The following CIZ1 variants were observed in gnomAD, a reference collection of about 807,000 sequenced individuals.
CIZ1 encodes cip1-interacting zinc finger protein.
Under a neutral mutation model 118.6 loss-of-function variants are expected in CIZ1, and 58 were observed. The observed-to-expected ratio is 0.49, with a 90% CI of 0.40 to 0.61. The LOEUF is 0.61. Among genes scored for constraint, CIZ1 ranks in the 20% least tolerant of loss-of-function variants. CIZ1 has a pLI of 0.00. For missense variants in CIZ1, 921 were observed against 1,115.9 expected (o/e 0.83, Z 2.49); for synonymous variants, 448 against 443.4 (o/e 1.01, Z -0.13).
At chr9:128,192,650 C>T (rs887915968), upstream of CIZ1, among the ~76,000 whole-genome samples, 1 of 152,214 alleles carries the variant, frequency 6.6e-6, no homozygotes, top group Non-Finnish European at 1.5e-5. Flanking sequence ...TCAAGTGGTC[C>T]TCCCGCCTCA....
intron 3 of CIZ1, among the ~76,000 whole-genome samples, chr9:128,189,909 T>C (rs1413827967): frequency 6.8e-6 from 1 of 147,674 alleles, no homozygotes; most frequent in Non-Finnish European, 1.5e-5. Flanking sequence ...ATTGGGAAAT[T>C]GAGACAAGGC....
chr9:128,194,362 C>CAAAAAAA (rs757286334), upstream of CIZ1, among the ~76,000 whole-genome samples: 2 of 74,134 alleles, frequency 2.7e-5, no homozygotes, highest in Admixed American at 1.7e-4. Flanking sequence ...AACTCCATCT[C>CAAAAAAA]AAAAAAAAAA....
At chr9:128,184,149 T>C (rs1448733578) in intron 5 of CIZ1, among the ~76,000 whole-genome samples, 1 of 152,178 alleles carries the variant, frequency 6.6e-6, no homozygotes, top group Non-Finnish European at 1.5e-5. Context: ...CCTTTCCAAA[T>C]AAATGTAACA....
Position 128,191,374 on chromosome 9 carries a change from G to A in CIZ1, c.-6+58C>T. 4 of 624,076 alleles carry A rather than the reference G, an allele frequency of 6.4e-6. No individual in the cohort carries two copies. Among genetic ancestry groups the A allele is most frequent in the Non-Finnish European group, 8.0e-6 (4 of 497,130 alleles). 38.7% of individuals were successfully genotyped at this position (624,076 alleles called of 1,614,324 possible). ...TCCCACCCCGCCAGCCGCCTCCTCCGCAGACACAGCCAGCTCGCAGGCGGA... is the reference window on the plus strand; with the variant it reads ...TCCCACCCCGCCAGCCGCCTCCTCCACAGACACAGCCAGCTCGCAGGCGGA... On this transcript the variant is annotated intron_variant, in intron 1 of 16. Transcript: ENST00000372938. This position sits in a 1 kb window ranked among gnomAD's most constrained non-coding sequence, Gnocchi z 5.5.
Position 128,185,642 on chromosome 9 carries a change from C to G in CIZ1, c.493G>C (p.Val165Leu). The change falls in exon 5 of 17, where the codon GTT becomes CTT. Residue 165 changes from valine to leucine, a missense_variant. Transcript: ENST00000372938. The stretch of plus-strand genomic sequence containing the variant: ...TGGGAAGGGTTCATGGGGACCCCAA[C>G]AGGAGGAGGTCCCAGCAAGGACTGG... ...TRQSLLGPPP[V>L]GVPMNPSQFN... The G allele has an allele frequency of 6.3e-7, 1 of 1,579,738 alleles. No individual in the cohort carries two copies. Among genetic ancestry groups the G allele is most frequent in the Non-Finnish European group, 8.6e-7 (1 of 1,162,356 alleles).
At chr9:128,172,871 G>C (rs1449473270) in intron 11 of CIZ1, among the ~76,000 whole-genome samples, 1 of 152,072 alleles carries the variant, frequency 6.6e-6, no homozygotes, top group Non-Finnish European at 1.5e-5. Flanking sequence ...TTTTTTTGTA[G>C]TCAAAAAAGG....
Position 128,191,553 on chromosome 9 carries a change from G to A in CIZ1, c.-127C>T, listed in dbSNP as rs1207419906. The A allele has an allele frequency of 2.8e-6, 3 of 1,067,456 alleles. No homozygotes were observed. Among genetic ancestry groups the A allele is most frequent in the Non-Finnish European group, 3.4e-6 (3 of 883,176 alleles). 66.1% of individuals were successfully genotyped at this position (1,067,456 alleles called of 1,614,324 possible). The stretch of plus-strand genomic sequence containing the variant: ...CTCCCGGCCTCCCCGCTGCTACTCC[G>A]GGGCCTGTGGGCTCGTAAGGCCCAA... On this transcript the variant is annotated 5_prime_UTR_variant, in exon 1 of 17. Coordinates refer to ENST00000372938, the MANE Select transcript of CIZ1 (RefSeq NM_001131016.2). This position sits in a 1 kb window ranked among gnomAD's most constrained non-coding sequence, Gnocchi z 5.5.
rs555555042 is a variant in CIZ1 at position 128,178,415 on chromosome 9, C to G, written c.1574G>C (p.Gly525Ala). 41 of 1,614,134 alleles carry G rather than the reference C, an allele frequency of 2.5e-5. No homozygotes were observed. The highest frequency in any genetic ancestry group is 2.9e-5 in the Non-Finnish European group (34 of 1,180,004). Residue 525 changes from glycine (G) to alanine (A), a missense_variant, in exon 9 of 17, where the codon GGC becomes GCC. By Grantham distance (60) the Gly-to-Ala change is moderately conservative. Coordinates refer to ENST00000372938, the MANE Select transcript of CIZ1 (RefSeq NM_001131016.2). ...MEEIQNESAC[G>A]LDVGECENRA... is the part of the protein sequence containing the mutation. Reference sequence around the variant, plus strand: ...GTTTTCACATTCTCCCACATCTAGGCCACAGGCCGACTCATTCTGAATCTC... The same window carrying G: ...GTTTTCACATTCTCCCACATCTAGGGCACAGGCCGACTCATTCTGAATCTC...
At chr9:128,201,249 C>A (rs1024311263) in intron 1 of CIZ1, among the ~76,000 whole-genome samples, 1 of 148,168 alleles carries the variant, frequency 6.7e-6, no homozygotes, top group Admixed American at 6.8e-5. Flanking sequence ...GCCTGGGTAA[C>A]AGAGCGAGAT....
Position 128,176,479 on chromosome 9 carries a change from C to T in CIZ1, c.1819-4G>A. The T allele has an allele frequency of 6.2e-7, 1 of 1,612,314 alleles. No homozygotes were observed. Reference sequence around the variant, plus strand: ...CCGACATGTGGTCCTGGAACTCCTGCAGCAGGAGGGAAAGAGGGATGGGCC... The same window carrying T: ...CCGACATGTGGTCCTGGAACTCCTGTAGCAGGAGGGAAAGAGGGATGGGCC... On this transcript the variant is annotated splice_region_variant and splice_polypyrimidine_tract_variant and intron_variant, in intron 10 of 16. Transcript: ENST00000372938.
chr9:128,180,327 G>T, intron 7 of CIZ1, 88 bp downstream of exon 7: 1 of 941,920 alleles, frequency 1.1e-6, no homozygotes, highest in Non-Finnish European at 1.7e-6. Flanking sequence ...ACTGAATGGT[G>T]CACCCCCTCT....
At chr9:128,194,508 T>A (rs1219074792), upstream of CIZ1, among the ~76,000 whole-genome samples, 3 of 152,032 alleles carry the variant, frequency 2.0e-5, no homozygotes, top group African/African-American at 7.2e-5. Flanking sequence ...TATATATTTT[T>A]TCTTTTTTCT....
chr9:128,166,188 G>A lies in CIZ1; in HGVS notation c.*9C>T. On this transcript the variant is annotated 3_prime_UTR_variant, in exon 17 of 17. Coordinates refer to ENST00000372938, the MANE Select transcript of CIZ1 (RefSeq NM_001131016.2). The surrounding 1 kb of genome is among the most constrained non-coding windows in gnomAD (Gnocchi z 4.4). ...ACCCAGGCAGGCCAGGGACAGGGAGGTCCCTCTATCAGGTTTTGAGGCGGG... is the reference window on the plus strand; with the variant it reads ...ACCCAGGCAGGCCAGGGACAGGGAGATCCCTCTATCAGGTTTTGAGGCGGG... 6.8e-7 allele frequency: 1 copy of A among 1,466,390 alleles called. No homozygotes were observed. Among genetic ancestry groups the A allele is most frequent in the Admixed American group, 2.5e-5 (1 of 39,704 alleles). The allele number at this position is 1,466,390 out of a possible 1,614,324, so 90.8% of individuals were successfully genotyped here.
chr9:128,190,717 T>G lies in CIZ1; in HGVS notation c.141A>C (p.Pro47=), dbSNP rs771905736. Residue 47 remains proline (P), a synonymous_variant, in exon 2 of 17, where the codon CCA becomes CCC. Coordinates refer to ENST00000372938, the MANE Select transcript of CIZ1 (RefSeq NM_001131016.2). ...QLQQLLQQSP[P]QAPLPMAVSR... is the part of the protein sequence containing the mutation. ...TGACAGCCATGGGCAACGGGGCCTGTGGTGGGGACTGCTGGAGCAGCTGCT... is the reference window on the plus strand; with the variant it reads ...TGACAGCCATGGGCAACGGGGCCTGGGGTGGGGACTGCTGGAGCAGCTGCT... The G allele has an allele frequency of 1.3e-6, 2 of 1,551,296 alleles. 1 individual carries two copies. Among genetic ancestry groups the G allele is most frequent in the South Asian group, 2.4e-5 (2 of 84,332 alleles).
intron 5 of CIZ1, among the ~76,000 whole-genome samples, chr9:128,181,751 A>G (rs1442031075): frequency 7.1e-6 from 1 of 141,348 alleles, no homozygotes; most frequent in Non-Finnish European, 1.5e-5. Flanking sequence ...GCTACTTAGC[A>G]GACCAGGAAA....
Position 128,178,957 on chromosome 9 carries a change from C to A in CIZ1, c.1250G>T (p.Arg417Met), listed in dbSNP as rs200695614. The A allele has an allele frequency of 1.0e-4, 161 of 1,613,554 alleles. No individual in the cohort carries two copies. The Middle Eastern group carries it at 1.2e-3, about 12-fold the overall frequency. ...VQPQAHSQPP[R>M]QVQLQLQKQV... ...CTTCTGCAGCTGCAGCTGCACCTGC[C>A]TTGGGGGCTGTGAATGTGCCTGGGG... The change falls in exon 8 of 17, where the codon AGG becomes ATG. Residue 417 changes from arginine to methionine, a missense_variant. Transcript: ENST00000372938.
chr9:128,179,644 CTTTTTGTTTG>C (rs1831318765), intron 7 of CIZ1, among the ~76,000 whole-genome samples: 1 of 151,028 alleles, frequency 6.6e-6, no homozygotes, highest in Non-Finnish European at 1.5e-5. Flanking sequence ...AAGACTGTTT[CTTTTTGTTTG>C]TTTTTGGTTT....
chr9:128,185,601 T>A lies in CIZ1; in HGVS notation c.534A>T (p.Gly178=). 1 of 1,540,344 alleles carries A rather than the reference T, an allele frequency of 6.5e-7. No individual in the cohort carries two copies. Among genetic ancestry groups the A allele is most frequent in the Non-Finnish European group, 8.7e-7 (1 of 1,143,518 alleles). Residue 178 remains glycine (G), a synonymous_variant, in exon 5 of 17, where the codon GGA becomes GGT. Coordinates refer to ENST00000372938, the MANE Select transcript of CIZ1 (RefSeq NM_001131016.2). ...PMNPSQFNLS[G]RNPQKQARTS... is the part of the protein sequence containing the mutation. The stretch of plus-strand genomic sequence containing the variant: ...TCCGGGCCTGTTTCTGGGGGTTCCG[T>A]CCTGAAAGGTTGAACTGGGAAGGGT...
chr9:128,177,626 G>C lies in CIZ1; in HGVS notation c.1758C>G (p.Pro586=), dbSNP rs1831030953. ...AGAAGAACTGGAGGGCCTGCTTAGA[G>C]GGAGTGCTGGTAGCCGCAGGGGTGG... ...VSSTPAATST[P]SKQALQFFCY... The change falls in exon 10 of 17, where the codon CCC becomes CCG. Residue 586 remains proline (P), a synonymous_variant. Coordinates refer to ENST00000372938, the MANE Select transcript of CIZ1 (RefSeq NM_001131016.2). The C allele has an allele frequency of 6.4e-7, 1 of 1,573,180 alleles. No individual in the cohort carries two copies. Among genetic ancestry groups the C allele is most frequent in the African/African-American group, 1.3e-5 (1 of 74,244 alleles).
Sources: gnomAD v4.1 joint callset for allele counts (sites outside exome capture counted in the v4.1 genomes callset) on GRCh38, gnomAD v4.1.1 for gene constraint, Gnocchi (gnomAD v3.1) non-coding constraint, MANE v1.5 for transcripts, NCBI Gene and HGNC (gene_info 2026-07-23, HGNC 2026-07-21) for gene names.